The following CLCN3 variants were observed in gnomAD, a reference collection of about 807,000 sequenced individuals.
The protein encoded by CLCN3 is H(+)/Cl(-) exchange transporter 3.
In CLCN3, 16 loss-of-function variants were observed where a neutral mutation model predicts 83.4. That is an observed-to-expected ratio of 0.19 (90% CI 0.13 to 0.29). The LOEUF (loss-of-function observed/expected upper bound fraction) is 0.29. CLCN3 is among the 10% of genes least tolerant of loss of function. The pLI, the probability that CLCN3 is intolerant of heterozygous loss-of-function variation, is 1.00. For synonymous variants in CLCN3, 322 were observed against 346.2 expected, an observed-to-expected ratio of 0.93 and a Z score of 0.78; for missense variants, 544 against 1,006.0, an observed-to-expected ratio of 0.54 and a Z score of 6.21.
At chr4:169,709,400 G>A (rs1733120637) in intron 11 of CLCN3, among the ~76,000 whole-genome samples, 2 of 151,444 alleles carry the variant, frequency 1.3e-5, no homozygotes, top group Admixed American at 6.6e-5. Context: ...AAAAAAGTCT[G>A]AGGCTGGGCG....
chr4:169,625,324 G>A (rs539383875), intron 1 of CLCN3, among the ~76,000 whole-genome samples: 1 of 152,192 alleles, frequency 6.6e-6, no homozygotes, highest in East Asian at 1.9e-4. Context: ...ACACACCTTT[G>A]GGAATTAGAT....
At chr4:169,713,983 A>G (rs1233553609) in intron 12 of CLCN3, among the ~76,000 whole-genome samples, 2 of 152,250 alleles carry the variant, frequency 1.3e-5, no homozygotes, top group African/African-American at 2.4e-5. Flanking sequence ...AATATAGGAA[A>G]GAAACAGATG....
intron 2 of CLCN3, chr4:169,660,244 T>A (rs1731006420): frequency 8.0e-7 from 1 of 1,247,762 alleles, no homozygotes; most frequent in Admixed American, 4.3e-5. Context: ...CGAACTACAG[T>A]TTTAACCTCA....
chr4:169,687,940 A>G (rs891836807), intron 4 of CLCN3, among the ~76,000 whole-genome samples, 183 bp downstream of exon 4: 5 of 152,206 alleles, frequency 3.3e-5, no homozygotes, highest in African/African-American at 4.8e-5. Context: ...TCTTGGCTCT[A>G]TCACTTTACG....
At chr4:169,649,240 A>G (rs1483822546) in intron 2 of CLCN3, among the ~76,000 whole-genome samples, 1 of 152,180 alleles carries the variant, frequency 6.6e-6, no homozygotes, top group African/African-American at 2.4e-5. Flanking sequence ...AGTGCAGAGA[A>G]TGATAACTAG....
At chr4:169,669,361 C>A (rs1230824940) in intron 2 of CLCN3, among the ~76,000 whole-genome samples, 1 of 152,054 alleles carries the variant, frequency 6.6e-6, no homozygotes, top group Admixed American at 6.6e-5. Context: ...TGTGGTGGTG[C>A]TTGCCTGCAG....
chr4:169,639,346 A>G (rs892182240), intron 2 of CLCN3, among the ~76,000 whole-genome samples: 5 of 152,228 alleles, frequency 3.3e-5, no homozygotes, highest in Non-Finnish European at 7.3e-5. Context: ...GGTAGTTTAT[A>G]TAAAGAGTCT....
chr4:169,663,720 T>C, intron 2 of CLCN3: 2 of 318,292 alleles, frequency 6.3e-6, no homozygotes, highest in South Asian at 4.6e-5. Context: ...TAATCCCCAT[T>C]TTCTAGTTGA....
intron 2 of CLCN3, among the ~76,000 whole-genome samples, chr4:169,678,547 T>C (rs188985349): frequency 4.0e-4 from 61 of 152,300 alleles, no homozygotes; most frequent in African/African-American, 1.3e-3. Flanking sequence ...CTGGTTTTCC[T>C]AGGCAGAGGA....
chr4:169,680,286 C>T, intron 3 of CLCN3, 79 bp downstream of exon 3: 1 of 979,398 alleles, frequency 1.0e-6, no homozygotes, highest in Admixed American at 2.6e-5. Flanking sequence ...CCAATGATCT[C>T]AGGCTGCCAA....
intron 7 of CLCN3, among the ~76,000 whole-genome samples, chr4:169,692,633 C>T (rs1178009817): frequency 6.6e-6 from 1 of 152,106 alleles, no homozygotes; most frequent in African/African-American, 2.4e-5. Flanking sequence ...GTTTTCTAAG[C>T]TTAGCTTTGT....
chr4:169,621,436 A>C (rs780313304), intron 1 of CLCN3, among the ~76,000 whole-genome samples: 1 of 152,284 alleles, frequency 6.6e-6, no homozygotes, highest in South Asian at 2.1e-4. Flanking sequence ...TTGTGTATAT[A>C]TATTTGTGGT....
At chr4:169,650,019 A>G (rs189967210) in intron 2 of CLCN3, among the ~76,000 whole-genome samples, 5 of 152,238 alleles carry the variant, frequency 3.3e-5, no homozygotes, top group South Asian at 2.1e-4. Flanking sequence ...TGGGAAGTTA[A>G]GGCTGCAGTG....
At chr4:169,691,983 C>G in intron 6 of CLCN3, 131 bp from the exon 7 acceptor site, 1 of 583,344 alleles carries the variant, frequency 1.7e-6, no homozygotes, top group Non-Finnish European at 3.0e-6. Context: ...GAAAAATTAA[C>G]TGTAAATTTT....
rs1482637391 is a variant in CLCN3 at position 169,635,992 on chromosome 4, G to A, written c.64G>A (p.Ala22Thr). Residue 22 changes from alanine (A) to threonine (T), a missense_variant, in exon 2 of 13, where the codon GCA becomes ACA. Physicochemically the swap from Ala to Thr is moderately conservative, Grantham distance 58. This residue lies in a region of CLCN3 where 77 missense variants were observed against 92.8 expected (regional missense o/e 0.83). Transcript: ENST00000513761. Reference protein sequence around the residue: ...YRNSYNSITSASSDEELLDGA... With the variant: ...YRNSYNSITSTSSDEELLDGA... ...AAACAGCTACAACAGTATAACAAGT[G>A]CAAGTAGTGATGAGGAACTTTTAGA... is the stretch of plus-strand genomic sequence containing the variant. The A allele has an allele frequency of 1.2e-6, 2 of 1,613,300 alleles. No homozygotes were observed. The highest frequency in any genetic ancestry group is 1.6e-4 in the Middle Eastern group (1 of 6,078).
chr4:169,649,679 C>A (rs1006997847), intron 2 of CLCN3, among the ~76,000 whole-genome samples: 5 of 152,132 alleles, frequency 3.3e-5, no homozygotes, highest in African/African-American at 1.2e-4. Flanking sequence ...CCTTATGGTG[C>A]AAGAGCTTAA....
At chr4:169,690,252 T>C (rs550362418) in intron 5 of CLCN3, among the ~76,000 whole-genome samples, 168 of 151,750 alleles carry the variant, frequency 1.1e-3, no homozygotes, top group Non-Finnish European at 1.9e-3. Context: ...TTTAAGCGAT[T>C]CTTCTACCTC....
At chr4:169,699,759 G>A (rs1452588852) in intron 9 of CLCN3, among the ~76,000 whole-genome samples, 2 of 152,014 alleles carry the variant, frequency 1.3e-5, no homozygotes, top group Non-Finnish European at 2.9e-5. Flanking sequence ...GCAGGTGTCT[G>A]TAATCCCGGC....
chr4:169,648,588 G>C (rs528804905), intron 2 of CLCN3, among the ~76,000 whole-genome samples: 1 of 152,290 alleles, frequency 6.6e-6, no homozygotes, highest in Admixed American at 6.5e-5. Flanking sequence ...TTGTGGACCA[G>C]ACATCTTGGT....
Sources: gnomAD v4.1 joint callset for allele counts (sites outside exome capture counted in the v4.1 genomes callset) on GRCh38, gnomAD v4.1.1 for gene constraint, gnomAD v4.1.1 regional missense constraint, MANE v1.5 for transcripts, NCBI Gene and HGNC (gene_info 2026-07-23, HGNC 2026-07-21) for gene names.